Variants in PALS2 observed in about 807,000 individuals in gnomAD.
The protein encoded by PALS2 is protein PALS2.
In PALS2, 27 loss-of-function variants were observed where a neutral mutation model predicts 61.6. That is an observed-to-expected ratio of 0.44 (90% CI 0.32 to 0.60). The LOEUF (loss-of-function observed/expected upper bound fraction) is 0.60. Ranked by LOEUF, PALS2 falls within the 20% of genes least tolerant of loss-of-function variation. The pLI is 0.05. For missense variants in PALS2, 554 were observed against 639.4 expected, an observed-to-expected ratio of 0.87 and a Z score of 1.44; for synonymous variants, 236 against 218.6, an observed-to-expected ratio of 1.08 and a Z score of -0.70.
Position 24,687,678 on chromosome 7 carries a change from C to T in PALS2, c.*64C>T. 1 of 1,454,526 alleles carries T rather than the reference C, an allele frequency of 6.9e-7. No individual in the cohort carries two copies. The allele number at this position is 1,454,526 out of a possible 1,614,324, so 90.1% of individuals were successfully genotyped here. On this transcript the variant is annotated 3_prime_UTR_variant, in exon 12 of 12. Coordinates refer to ENST00000222644, the MANE Select transcript of PALS2 (RefSeq NM_001303037.2). This position sits in a 1 kb window ranked among gnomAD's most constrained non-coding sequence, Gnocchi z 4.5. ...AAAGTGACTGCAACAAATAAACCTT[C>T]TACTGAGAAAATACATCACAGATAG...
intron 1 of PALS2, among the ~76,000 whole-genome samples, chr7:24,591,620 T>A (rs1316120119): frequency 6.6e-6 from 1 of 152,128 alleles, no homozygotes; most frequent in African/African-American, 2.4e-5. Flanking sequence ...TTATTCAAGA[T>A]AGTTATGGTG....
At chr7:24,681,560 A>G (rs1186176928) in intron 11 of PALS2, among the ~76,000 whole-genome samples, 1 of 147,664 alleles carries the variant, frequency 6.8e-6, no homozygotes, top group African/African-American at 2.6e-5. Context: ...TGATTTGTTC[A>G]AATAAGGATT....
chr7:24,581,616 A>G (rs1782848991), intron 1 of PALS2, among the ~76,000 whole-genome samples: 1 of 152,194 alleles, frequency 6.6e-6, no homozygotes, highest in Non-Finnish European at 1.5e-5. Flanking sequence ...TTTGGCTGTC[A>G]CAACTGGGAA....
At chr7:24,665,553 T>C (rs377210301) in intron 6 of PALS2, 35 bp from the exon 7 acceptor site, 6 of 1,597,612 alleles carry the variant, frequency 3.8e-6, no homozygotes, top group Non-Finnish European at 5.1e-6. Flanking sequence ...CAAATTTTGG[T>C]CACTGAGATG....
intron 2 of PALS2, among the ~76,000 whole-genome samples, chr7:24,626,706 A>G (rs942382779): frequency 6.6e-6 from 1 of 151,882 alleles, no homozygotes; most frequent in African/African-American, 2.4e-5. Context: ...ATGTAAAGCA[A>G]AAAAAAAGGG....
intron 5 of PALS2, among the ~76,000 whole-genome samples, chr7:24,662,642 G>A (rs1285856709): frequency 2.6e-5 from 4 of 151,766 alleles, no homozygotes; most frequent in Non-Finnish European, 5.9e-5. Flanking sequence ...GGTGGCACAC[G>A]CCTGTAATTT....
chr7:24,681,403 A>C (rs1185188768), intron 11 of PALS2, among the ~76,000 whole-genome samples: 1 of 152,178 alleles, frequency 6.6e-6, no homozygotes, highest in Non-Finnish European at 1.5e-5. Flanking sequence ...TGTCATCTGT[A>C]AATACTTCAG....
intron 11 of PALS2, among the ~76,000 whole-genome samples, chr7:24,682,346 C>T (rs940389244): frequency 6.6e-6 from 1 of 152,084 alleles, no homozygotes; most frequent in Non-Finnish European, 1.5e-5. Context: ...GTACTTCAGC[C>T]GAATGCTGGA....
chr7:24,592,529 C>T lies in PALS2; in HGVS notation c.-3+18936C>T, dbSNP rs543887679. Among the ~76,000 whole-genome samples, 4 of 151,984 alleles carry T rather than the reference C, an allele frequency of 2.6e-5. No homozygotes were observed. In the South Asian group the frequency reaches 8.3e-4, roughly 32 times the overall value. On this transcript the variant is annotated intron_variant, in intron 1 of 11. Coordinates refer to ENST00000222644, the MANE Select transcript of PALS2 (RefSeq NM_001303037.2). ...ATTTTAGCCAGGGGAGAAACATGGT[C>T]ATATTTGTATTTTGGAAAGCTCACA...
chr7:24,678,512 G>A (rs1186202750), intron 9 of PALS2, among the ~76,000 whole-genome samples: 1 of 152,172 alleles, frequency 6.6e-6, no homozygotes, highest in Non-Finnish European at 1.5e-5. Context: ...TAGATAATTT[G>A]TGGGTAAAAC....
intron 1 of PALS2, among the ~76,000 whole-genome samples, chr7:24,574,808 T>C (rs1010353432): frequency 3.9e-5 from 6 of 152,336 alleles, no homozygotes; most frequent in South Asian, 2.1e-4. Context: ...TGTAAACTTA[T>C]GTTGGTCGAA....
Position 24,573,584 on chromosome 7 carries a change from G to A in PALS2, c.-12G>A, listed in dbSNP as rs1285482686. 7 of 377,358 alleles carry A rather than the reference G, an allele frequency of 1.9e-5. No homozygotes were observed. The highest frequency in any genetic ancestry group is 3.3e-5 in the Non-Finnish European group (7 of 213,056). The allele number at this position is 377,358 out of a possible 1,614,324, so 23.4% of individuals were successfully genotyped here. ...CAGCGGCGGCGCGGAGGCGGCTGAG[G>A]TGCGAGCCGGTGAGTTAACTGGACC... On this transcript the variant is annotated 5_prime_UTR_variant, in exon 1 of 12. In the 5' UTR this introduces an upstream ATG that the reference lacks. Coordinates refer to ENST00000222644, the MANE Select transcript of PALS2 (RefSeq NM_001303037.2). The surrounding 1 kb of genome is among the most constrained non-coding windows in gnomAD (Gnocchi z 5.3).
At chr7:24,574,096 G>A (rs981262121) in intron 1 of PALS2, 1 of 152,262 alleles carries the variant, frequency 6.6e-6, no homozygotes, top group Non-Finnish European at 1.5e-5. Context: ...GTCCCGAGAG[G>A]GGGTGATTCC....
intron 8 of PALS2, among the ~76,000 whole-genome samples, chr7:24,667,291 C>T (rs910800413): frequency 6.6e-6 from 1 of 152,010 alleles, no homozygotes; most frequent in African/African-American, 2.4e-5. Flanking sequence ...GGTTATGTTT[C>T]TAGTGAAACA....
At chr7:24,647,251 A>G (rs572532155) in intron 3 of PALS2, among the ~76,000 whole-genome samples, 91 of 151,934 alleles carry the variant, frequency 6.0e-4, no homozygotes, top group Middle Eastern at 3.4e-3. Context: ...GGTTCAAGCA[A>G]TTCTCCTGCC....
intron 1 of PALS2, among the ~76,000 whole-genome samples, chr7:24,621,884 G>A (rs537829144): frequency 1.1e-4 from 16 of 152,022 alleles, no homozygotes; most frequent in Admixed American, 4.6e-4. Flanking sequence ...GGGGTCTAGC[G>A]TCACTCTCTA....
chr7:24,630,730 C>T (rs767284273), intron 2 of PALS2, among the ~76,000 whole-genome samples: 2 of 152,160 alleles, frequency 1.3e-5, no homozygotes, highest in African/African-American at 2.4e-5. Context: ...TGCTCATTTA[C>T]CACTCTGAAG....
chr7:24,624,433 C>T (rs2128058063), intron 2 of PALS2, among the ~76,000 whole-genome samples: 1 of 152,166 alleles, frequency 6.6e-6, no homozygotes, highest in African/African-American at 2.4e-5. Context: ...ATCTTTTCTT[C>T]ATAGAGCCAT....
intron 1 of PALS2, among the ~76,000 whole-genome samples, chr7:24,576,600 T>C (rs1782651102): frequency 6.6e-6 from 1 of 152,246 alleles, no homozygotes; most frequent in Admixed American, 6.5e-5. Flanking sequence ...TAATGAAAGA[T>C]AAGATTCCTG....
Sources: gnomAD v4.1 joint callset for allele counts (sites outside exome capture counted in the v4.1 genomes callset) on GRCh38, gnomAD v4.1.1 for gene constraint, Gnocchi (gnomAD v3.1) non-coding constraint, MANE v1.5 for transcripts, NCBI Gene and HGNC (gene_info 2026-07-23, HGNC 2026-07-21) for gene names.